LIMS4: variants seen among roughly 807,000 people sequenced by gnomAD.
LIMS4 encodes LIM and senescent cell antigen-like-containing domain protein 4.
At chr2:110,373,673 G>A in the LIMS4 span, among the ~76,000 whole-genome samples, 2 of 151,562 alleles carry the variant, frequency 1.3e-5, no homozygotes, top group Non-Finnish European at 2.9e-5. Flanking sequence ...TCAGCAGTAG[G>A]ATGGGAGGCT....
chr2:110,366,293 C>A, the LIMS4 span, among the ~76,000 whole-genome samples: 1 of 152,118 alleles, frequency 6.6e-6, no homozygotes, highest in East Asian at 1.9e-4. Flanking sequence ...AAATCCTCAA[C>A]AAAATACTAG....
At chr2:110,394,495 G>C in the LIMS4 span, among the ~76,000 whole-genome samples, 1 of 140,614 alleles carries the variant, frequency 7.1e-6, no homozygotes, top group Non-Finnish European at 1.5e-5. Flanking sequence ...CCAGCACTTT[G>C]GGAGGCCGAG....
the LIMS4 span, chr2:110,386,977 G>A: frequency 1.6e-6 from 1 of 621,540 alleles, no homozygotes; most frequent in Non-Finnish European, 2.8e-6. Flanking sequence ...AGCTCCTCAA[G>A]GCCCACTCCG....
At chr2:110,396,011 C>T in the LIMS4 span, among the ~76,000 whole-genome samples, 1 of 140,508 alleles carries the variant, frequency 7.1e-6, no homozygotes, top group Admixed American at 7.1e-5. Context: ...ACTTGCCTCC[C>T]CCTTCAACCC....
At chr2:110,372,659 C>T in the LIMS4 span, among the ~76,000 whole-genome samples, 1 of 149,066 alleles carries the variant, frequency 6.7e-6, no homozygotes, top group Non-Finnish European at 1.5e-5. Context: ...GCACCTGCCA[C>T]CACACCTGGC....
the LIMS4 span, among the ~76,000 whole-genome samples, chr2:110,367,786 G>T: frequency 2.1e-5 from 3 of 141,972 alleles, no homozygotes; most frequent in Non-Finnish European, 4.5e-5. Context: ...AGAAGGCTGA[G>T]GTGGGAAGAT....
At chr2:110,371,448 C>T in the LIMS4 span, among the ~76,000 whole-genome samples, 2 of 119,766 alleles carry the variant, frequency 1.7e-5, no homozygotes, top group African/African-American at 4.6e-5. Context: ...CAAAGCAAGC[C>T]GTCCCTTGGT....
At chr2:110,378,975 TACACACACAC>T in the LIMS4 span, among the ~76,000 whole-genome samples, 20 of 129,442 alleles carry the variant, frequency 1.5e-4, no homozygotes, top group South Asian at 1.0e-3. Context: ...GCTCTCTTTC[TACACACACAC>T]ACACACACAC....
At chr2:110,391,137 C>T in the LIMS4 span, among the ~76,000 whole-genome samples, 3 of 122,586 alleles carry the variant, frequency 2.4e-5, no homozygotes, top group African/African-American at 3.3e-5. Context: ...CTGGAGGGAG[C>T]TGGGGGGAGA....
At chr2:110,382,101 ATATATATATATATATAT>A in the LIMS4 span, among the ~76,000 whole-genome samples, 9 of 17,560 alleles carry the variant, frequency 5.1e-4, no homozygotes, top group African/African-American at 1.6e-3. Context: ...AAAAAAAAAT[ATATATATATATATATAT>A]ATATATATAT....
the LIMS4 span, among the ~76,000 whole-genome samples, chr2:110,415,214 G>A: frequency 2.2e-5 from 3 of 133,738 alleles, no homozygotes; most frequent in South Asian, 2.3e-4. Flanking sequence ...CTGTGGGATC[G>A]GTGGTGATAT....
At chr2:110,389,898 G>A in the LIMS4 span, among the ~76,000 whole-genome samples, 1 of 145,858 alleles carries the variant, frequency 6.9e-6, no homozygotes, top group Non-Finnish European at 1.5e-5. Flanking sequence ...GAGATGCAAA[G>A]AGGCCAGGCT....
At chr2:110,376,006 G>A in the LIMS4 span, 4 of 87,028 alleles carry the variant, frequency 4.6e-5, no homozygotes, top group Non-Finnish European at 7.9e-5. Context: ...TCAAGGTGCT[G>A]GCGGGGCTGT....
At chr2:110,385,176 G>T in the LIMS4 span, among the ~76,000 whole-genome samples, 1 of 150,058 alleles carries the variant, frequency 6.7e-6, no homozygotes, top group Non-Finnish European at 1.5e-5. Context: ...TAAATAAATA[G>T]AAGCTCCAGT....
At chr2:110,366,944 GACACACACACACACACAC>G in the LIMS4 span, among the ~76,000 whole-genome samples, 5 of 125,670 alleles carry the variant, frequency 4.0e-5, no homozygotes, top group South Asian at 3.0e-4. Context: ...ATTCACAATA[GACACACACACACACACAC>G]ACACACACAC....
the LIMS4 span, among the ~76,000 whole-genome samples, chr2:110,424,614 T>C: frequency 1.4e-5 from 2 of 144,166 alleles, no homozygotes; most frequent in African/African-American, 5.6e-5. Flanking sequence ...TGGCATGAGG[T>C]GTGATGTCCC....
At chr2:110,373,661 G>A in the LIMS4 span, among the ~76,000 whole-genome samples, 1 of 151,584 alleles carries the variant, frequency 6.6e-6, no homozygotes, top group Non-Finnish European at 1.5e-5. Context: ...TCACAGGGCT[G>A]GTCAGCAGTA....
chr2:110,403,514 C>T, the LIMS4 span: 1 of 135,310 alleles, frequency 7.4e-6, no homozygotes, highest in Non-Finnish European at 1.6e-5. Context: ...CCTGCCACTA[C>T]CCTACCTTTC....
chr2:110,361,811 T>C, the LIMS4 span: 1 of 795,346 alleles, frequency 1.3e-6, no homozygotes. Context: ...TTCTCCTATC[T>C]TGATGCTAGG....
Sources: allele counts gnomAD v4.1 joint callset (sites outside exome capture counted in the v4.1 genomes callset), GRCh38; gene constraint gnomAD v4.1.1; transcripts MANE v1.5; gene names NCBI Gene and HGNC (gene_info 2026-07-23, HGNC 2026-07-21).